The following IQSEC1 variants were observed in gnomAD, a reference collection of about 807,000 sequenced individuals.
IQSEC1 encodes the protein IQ motif and Sec7 domain ArfGEF 1.
IQSEC1 carries 31 observed loss-of-function variants against 91.0 expected under a neutral mutation model. That is an observed-to-expected ratio of 0.34 (90% CI 0.26 to 0.46). The LOEUF (loss-of-function observed/expected upper bound fraction) is 0.46, where lower values mean the gene tolerates loss of function less well. IQSEC1 is among the 20% of genes least tolerant of loss of function. The pLI is 1.00. For synonymous variants in IQSEC1, 699 were observed against 662.6 expected (o/e 1.05, Z -0.84); for missense variants, 1,388 against 1,575.6 (o/e 0.88, Z 2.02).
At chr3:13,265,866 G>C (rs1487027915) in intron 1 of IQSEC1, among the ~76,000 whole-genome samples, 1 of 148,912 alleles carries the variant, frequency 6.7e-6, no homozygotes, top group Non-Finnish European at 1.5e-5. Context: ...AGAAGGGCAG[G>C]CTTTATTCTG....
At chr3:13,126,529 G>A (rs1706516163) in intron 2 of IQSEC1, among the ~76,000 whole-genome samples, 1 of 152,170 alleles carries the variant, frequency 6.6e-6, no homozygotes, top group South Asian at 2.1e-4. Context: ...ATCTGTCTCA[G>A]GTAAACATCT....
chr3:13,248,196 A>T (rs531010544), intron 1 of IQSEC1, among the ~76,000 whole-genome samples: 2 of 152,142 alleles, frequency 1.3e-5, no homozygotes, highest in Non-Finnish European at 2.9e-5. Flanking sequence ...TCAGACCCCT[A>T]TTGTGTCCCC....
chr3:13,194,346 T>C (rs1694089956), intron 1 of IQSEC1, among the ~76,000 whole-genome samples: 1 of 152,112 alleles, frequency 6.6e-6, no homozygotes, highest in Non-Finnish European at 1.5e-5. Context: ...TTTCTTGACC[T>C]ACAGCAGAAG....
chr3:13,148,524 A>G (rs545780268), intron 2 of IQSEC1, among the ~76,000 whole-genome samples: 1 of 152,272 alleles, frequency 6.6e-6, no homozygotes, highest in African/African-American at 2.4e-5. Flanking sequence ...AGGCACTGGG[A>G]AAAAAAATTG....
intron 1 of IQSEC1, among the ~76,000 whole-genome samples, chr3:12,958,673 C>T (rs955376817): frequency 3.3e-5 from 5 of 152,218 alleles, no homozygotes; most frequent in Non-Finnish European, 5.9e-5. Flanking sequence ...AGCACCCATA[C>T]CTGGGGAGCA....
At chr3:12,928,069 G>A (rs1255447722) in intron 3 of IQSEC1, among the ~76,000 whole-genome samples, 1 of 152,254 alleles carries the variant, frequency 6.6e-6, no homozygotes, top group Non-Finnish European at 1.5e-5. Context: ...CCACAAGAGC[G>A]ATGCCATGCT....
chr3:12,942,682 G>A (rs1007418246), intron 1 of IQSEC1, among the ~76,000 whole-genome samples: 2 of 152,190 alleles, frequency 1.3e-5, no homozygotes, highest in Admixed American at 1.3e-4. Flanking sequence ...CCCTTGTGCT[G>A]GTGTTTGCTG....
At chr3:13,236,755 A>G (rs2125097263) in intron 1 of IQSEC1, among the ~76,000 whole-genome samples, 1 of 152,356 alleles carries the variant, frequency 6.6e-6, no homozygotes, top group South Asian at 2.1e-4. Context: ...GCTCGCTGCC[A>G]TCAGTCTACG....
intron 1 of IQSEC1, among the ~76,000 whole-genome samples, chr3:13,178,373 G>T (rs1693776512): frequency 6.6e-6 from 1 of 152,192 alleles, no homozygotes; most frequent in Non-Finnish European, 1.5e-5. Context: ...CAGGTCAGGG[G>T]TGTGGTCAAG....
intron 1 of IQSEC1, chr3:13,022,331 C>T: frequency 7.5e-6 from 9 of 1,195,376 alleles, no homozygotes; most frequent in Non-Finnish European, 9.3e-6. Context: ...CGGCCAGCCT[C>T]TGTGCCCTGG....
intron 1 of IQSEC1, among the ~76,000 whole-genome samples, chr3:12,988,682 G>GGGGA (rs1384826326): frequency 1.3e-5 from 2 of 152,218 alleles, no homozygotes; most frequent in African/African-American, 4.8e-5. Context: ...GGAGCAGGCT[G>GGGGA]GGGAGGGGCA....
At chr3:13,169,510 G>A (rs1481153907) in intron 1 of IQSEC1, among the ~76,000 whole-genome samples, 4 of 152,320 alleles carry the variant, frequency 2.6e-5, no homozygotes, top group East Asian at 3.8e-4. Flanking sequence ...TAACAGACAC[G>A]GGTTGGAACA....
At position 12,967,379 on chromosome 3, in the gene IQSEC1, G is replaced by A; in HGVS notation, c.24-25514C>T. The A allele has an allele frequency of 6.5e-7, 1 of 1,532,946 alleles. No homozygotes were observed. The highest frequency in any genetic ancestry group is 1.2e-5 in the South Asian group (1 of 83,156). The allele number at this position is 1,532,946 out of a possible 1,614,324, so 95.0% of individuals were successfully genotyped here. A position where few individuals can be genotyped will look rare whatever the true frequency, so the allele number is the denominator to read the frequency against. On this transcript the variant is annotated intron_variant, in intron 1 of 13. Transcript: ENST00000613206. The surrounding 1 kb of genome is among the most constrained non-coding windows in gnomAD (Gnocchi z 5.9). ...GGGAAGGCCGCTCGCCCCGCGCCGC[G>A]CCCTCACCCGCTGTCAAGCTCTAGC...
chr3:13,239,150 T>C (rs1394196825), intron 1 of IQSEC1, among the ~76,000 whole-genome samples: 1 of 152,212 alleles, frequency 6.6e-6, no homozygotes, highest in African/African-American at 2.4e-5. Context: ...TTTCCTTTGG[T>C]TGCACTAAAT....
At chr3:13,152,242 G>A (rs1278588299) in intron 2 of IQSEC1, among the ~76,000 whole-genome samples, 1 of 152,032 alleles carries the variant, frequency 6.6e-6, no homozygotes, top group Non-Finnish European at 1.5e-5. Context: ...TTCTACTTCT[G>A]GGAACATAAT....
At position 13,018,994 on chromosome 3, in the gene IQSEC1, C is replaced by T. The variant is rs530443638; in HGVS notation, c.23+53998G>A. 2.0e-4 allele frequency among the ~76,000 whole-genome samples: 31 copies of T among 152,328 alleles called. 2 individuals carry two copies. In the South Asian group the frequency reaches 5.4e-3, roughly 26 times the overall value. On this transcript the variant is annotated intron_variant, in intron 1 of 13. Transcript: ENST00000613206. ...AGAGGACAAGGAGGGGGTGCCACAG[C>T]CATGCACCCTGCTGGATGCCAAGCC...
chr3:12,935,849 C>G lies in IQSEC1; in HGVS notation c.1167G>C (p.Arg389Ser). ...SDRSERGSLK[R>S]QSAYERSLGG... is the part of the protein sequence containing the mutation. ...CAAGGCTGCGCTCGTAAGCACTCTG[C>G]CTCTTGAGTGACCCCCGCTCCGAGC... Residue 389 changes from arginine (R) to serine (S), a missense_variant, in exon 3 of 14, where the codon AGG (arginine) becomes AGC (serine). Physicochemically the swap from Arg to Ser is moderately radical, Grantham distance 110. Transcript: ENST00000613206. This position sits in a 1 kb window ranked among gnomAD's most constrained non-coding sequence, Gnocchi z 8.0. 6.2e-7 allele frequency: 1 copy of G among 1,608,242 alleles called. No homozygotes were observed. Among genetic ancestry groups the G allele is most frequent in the Middle Eastern group, 1.7e-4 (1 of 6,054 alleles).
intron 1 of IQSEC1, among the ~76,000 whole-genome samples, chr3:13,000,433 C>G (rs1702373980): frequency 6.6e-6 from 1 of 152,156 alleles, no homozygotes; most frequent in South Asian, 2.1e-4. Flanking sequence ...CATCTTGAGA[C>G]AGTGGGGCCA....
intron 1 of IQSEC1, among the ~76,000 whole-genome samples, chr3:12,990,633 T>C (rs908714306): frequency 6.6e-6 from 1 of 152,160 alleles, no homozygotes; most frequent in African/African-American, 2.4e-5. Flanking sequence ...CTCCGCGCAC[T>C]TGAGTCTGAA....
Sources: allele counts gnomAD v4.1 joint callset (sites outside exome capture counted in the v4.1 genomes callset), GRCh38; gene constraint gnomAD v4.1.1; non-coding constraint Gnocchi (gnomAD v3.1); transcripts MANE v1.5; gene names NCBI Gene and HGNC (gene_info 2026-07-23, HGNC 2026-07-21).